VIPR2: variants seen among roughly 807,000 people sequenced by gnomAD.
VIPR2 encodes vasoactive intestinal polypeptide receptor 2.
Under a neutral mutation model 58.0 loss-of-function variants are expected in VIPR2, and 48 were observed. The ratio of observed to expected loss-of-function variants is 0.83; its 90% CI spans 0.66 to 1.05. VIPR2 has a LOEUF of 1.05. Among genes scored for constraint, VIPR2 ranks in the 50% least tolerant of loss-of-function variants. The probability of loss-of-function intolerance (pLI) is 0.00; values close to 1 mark genes in which losing one functional copy is unlikely to be tolerated. For synonymous variants in VIPR2, 243 were observed against 235.2 expected (o/e 1.03, Z -0.30); for missense variants, 534 against 558.0 (o/e 0.96, Z 0.43).
At chr7:159,115,137 T>C (rs1036578637) in intron 2 of VIPR2, among the ~76,000 whole-genome samples, 1 of 152,256 alleles carries the variant, frequency 6.6e-6, no homozygotes, top group South Asian at 2.1e-4. Flanking sequence ...GGTTCCTCAG[T>C]TGCAGCCGCC....
At chr7:159,121,028 G>A (rs924221885) in intron 2 of VIPR2, among the ~76,000 whole-genome samples, 1 of 152,174 alleles carries the variant, frequency 6.6e-6, no homozygotes, top group Non-Finnish European at 1.5e-5. Flanking sequence ...AAACATTAAA[G>A]TTTGGAGCTA....
In VIPR2 at chr7:159,117,670, C is replaced by T. The variant is rs191008794; in HGVS notation, c.152-7751G>A. On this transcript the variant is annotated intron_variant, in intron 2 of 12. Transcript: ENST00000262178. ...CTTCCATCTTCAGAGTCACCTGCCC[C>T]TACCCCACATGCAACTCCACAGAGA... Among the ~76,000 whole-genome samples the T allele has an allele frequency of 2.6e-5, 4 of 152,328 alleles. No homozygotes were observed. In the East Asian group the frequency reaches 5.8e-4, roughly 22 times the overall value.
intron 4 of VIPR2, among the ~76,000 whole-genome samples, chr7:159,103,533 G>A (rs565490098): frequency 2.0e-5 from 3 of 152,078 alleles, no homozygotes; most frequent in African/African-American, 7.2e-5. Flanking sequence ...CAAGAAAACC[G>A]GCCTTTCCCT....
At position 159,142,317 on chromosome 7, in the gene VIPR2, G is replaced by A. The variant is rs558799454; in HGVS notation, c.151+129C>T. 2.1e-4 allele frequency: 137 copies of A among 666,312 alleles called. No homozygotes were observed. In the African/African-American group the frequency reaches 2.4e-3, roughly 12 times the overall value. 41.3% of individuals were successfully genotyped at this position (666,312 alleles called of 1,614,324 possible). A position where few individuals can be genotyped will look rare whatever the true frequency, so the allele number is the denominator to read the frequency against. On this transcript the variant is annotated intron_variant, in intron 2 of 12. Coordinates refer to ENST00000262178, the MANE Select transcript of VIPR2 (RefSeq NM_003382.5). ...TACCAGTAGTTCATTAACAAACAAT[G>A]GGAAGTGGCCTTTCTTTTTCTTTTT...
chr7:159,039,758 C>T (rs1294221551), intron 6 of VIPR2, among the ~76,000 whole-genome samples: 1 of 152,242 alleles, frequency 6.6e-6, no homozygotes, highest in Non-Finnish European at 1.5e-5. Flanking sequence ...GCGACAGGAG[C>T]ACACGTGGAT....
chr7:159,066,475 C>T (rs6955942), intron 4 of VIPR2, among the ~76,000 whole-genome samples: 7 of 152,198 alleles, frequency 4.6e-5, no homozygotes, highest in African/African-American at 1.7e-4. Flanking sequence ...CCCGCACCAT[C>T]TGTGGGATTC....
rs543869277 is a variant in VIPR2 at position 159,092,724 on chromosome 7, C to T, written c.357+11033G>A. ...GGAGTGCAGTGGTGCAATCTTGGCTCGCTGCAAGCTCCGCCTCCCGGGTTC... is the reference window on the plus strand; with the variant it reads ...GGAGTGCAGTGGTGCAATCTTGGCTTGCTGCAAGCTCCGCCTCCCGGGTTC... On this transcript the variant is annotated intron_variant, in intron 4 of 12. Coordinates refer to ENST00000262178, the MANE Select transcript of VIPR2 (RefSeq NM_003382.5). 1.4e-4 allele frequency among the ~76,000 whole-genome samples: 21 copies of T among 148,892 alleles called. 1 individual carries two copies. The South Asian group carries it at 3.0e-3, about 21-fold the overall frequency.
rs777381821 is a variant in VIPR2, at chr7:159,082,574, A to T, written c.357+21183T>A. Among the ~76,000 whole-genome samples the T allele has an allele frequency of 3.3e-5, 5 of 152,344 alleles. No homozygotes were observed. In the South Asian group the frequency reaches 6.2e-4, roughly 19 times the overall value. On this transcript the variant is annotated intron_variant, in intron 4 of 12. Coordinates refer to ENST00000262178, the MANE Select transcript of VIPR2 (RefSeq NM_003382.5). ...CATGGCACATGTATACATATGTAAC[A>T]AACCTGCACGTTGTGCACATGTACC... is the stretch of plus-strand genomic sequence containing the variant.
chr7:159,111,691 G>A (rs994337018), intron 2 of VIPR2, among the ~76,000 whole-genome samples: 6 of 142,628 alleles, frequency 4.2e-5, no homozygotes, highest in Non-Finnish European at 9.1e-5. Context: ...AAAAAAAAAA[G>A]CAATAATTAT....
chr7:159,108,370 G>T (rs977055262), intron 3 of VIPR2, among the ~76,000 whole-genome samples: 1 of 152,182 alleles, frequency 6.6e-6, no homozygotes, highest in Admixed American at 6.5e-5. Flanking sequence ...GCATGTCCTC[G>T]CATAGCTCAC....
At chr7:159,060,002 AACC>A (rs1028522579) in intron 4 of VIPR2, among the ~76,000 whole-genome samples, 2 of 149,450 alleles carry the variant, frequency 1.3e-5, no homozygotes, top group Non-Finnish European at 3.0e-5. Context: ...CACCTTATCT[AACC>A]ACCACTATCA....
chr7:159,061,632 G>C (rs550244881), intron 4 of VIPR2, among the ~76,000 whole-genome samples: 1 of 151,616 alleles, frequency 6.6e-6, no homozygotes, highest in Non-Finnish European at 1.5e-5. Context: ...CAGCCTGGGT[G>C]ACAGAGCGAG....
At chr7:159,141,868 CG>C (rs1342112076) in intron 2 of VIPR2, among the ~76,000 whole-genome samples, 1 of 152,264 alleles carries the variant, frequency 6.6e-6, no homozygotes, top group African/African-American at 2.4e-5. Context: ...ATTTATAGGC[CG>C]GGTGCTATCC....
chr7:159,048,911 G>A (rs918481407), intron 5 of VIPR2, among the ~76,000 whole-genome samples: 34 of 152,240 alleles, frequency 2.2e-4, no homozygotes, highest in African/African-American at 7.5e-4. Flanking sequence ...CCTCTGCTGG[G>A]TCCACTTGTT....
At chr7:159,071,949 G>A (rs1419663561) in intron 4 of VIPR2, among the ~76,000 whole-genome samples, 105 of 136,400 alleles carry the variant, frequency 7.7e-4, no homozygotes, top group Admixed American at 2.7e-3. Context: ...AAAATCCAGA[G>A]TCCCATGTCT....
At position 159,128,592 on chromosome 7, in the gene VIPR2, AG is replaced by A. The variant is rs554442280; in HGVS notation, c.151+13853del. 1.2e-3 allele frequency among the ~76,000 whole-genome samples: 179 copies of A among 152,240 alleles called. 2 individuals are homozygous for A. Among genetic ancestry groups the A allele is most frequent in the African/African-American group, 4.1e-3 (171 of 41,530 alleles). ...CCTTCTTTGCTCTCCATGAAATTTC[AG>A]GAGGAGCATCCACTGCCATCCTGAA... is the stretch of plus-strand genomic sequence containing the variant. On this transcript the variant is annotated intron_variant, in intron 2 of 12. Coordinates refer to ENST00000262178, the MANE Select transcript of VIPR2 (RefSeq NM_003382.5). The surrounding 1 kb of genome is among the most constrained non-coding windows in gnomAD (Gnocchi z 4.1).
intron 2 of VIPR2, chr7:159,117,481 C>G: frequency 1.4e-6 from 1 of 708,286 alleles, no homozygotes; most frequent in Non-Finnish European, 2.6e-6. Context: ...AGGACGTCAT[C>G]TCAGAGGTGG....
intron 4 of VIPR2, among the ~76,000 whole-genome samples, chr7:159,060,476 G>A (rs960651885): frequency 2.0e-5 from 3 of 149,386 alleles, no homozygotes; most frequent in East Asian, 2.0e-4. Flanking sequence ...TACTCACTTC[G>A]CTTACCCACC....
chr7:159,142,312 A>C (rs1797502575), intron 2 of VIPR2, 134 bp downstream of exon 2: 2 of 653,328 alleles, frequency 3.1e-6, no homozygotes, highest in African/African-American at 3.7e-5. Flanking sequence ...TCATTAACAA[A>C]CAATGGGAAG....
Sources: gnomAD v4.1 joint callset for allele counts (sites outside exome capture counted in the v4.1 genomes callset) on GRCh38, gnomAD v4.1.1 for gene constraint, Gnocchi (gnomAD v3.1) non-coding constraint, MANE v1.5 for transcripts, NCBI Gene and HGNC (gene_info 2026-07-23, HGNC 2026-07-21) for gene names.